Variants in FCHSD2 observed in about 807,000 individuals in gnomAD.
FCHSD2 encodes the protein F-BAR and double SH3 domains protein 2.
In FCHSD2, 38 loss-of-function variants were observed where a neutral mutation model predicts 108.1. The ratio of observed to expected loss-of-function variants is 0.35; its 90% CI spans 0.27 to 0.46. The LOEUF is 0.46. FCHSD2 is among the 20% of genes least tolerant of loss of function. The pLI is 1.00. For synonymous variants in FCHSD2, 279 were observed against 314.7 expected, an observed-to-expected ratio of 0.89 and a Z score of 1.20; for missense variants, 751 against 897.8, an observed-to-expected ratio of 0.84 and a Z score of 2.09.
intron 3 of FCHSD2, among the ~76,000 whole-genome samples, chr11:73,016,361 A>C (rs1591484560): frequency 6.6e-6 from 1 of 152,098 alleles, no homozygotes; most frequent in African/African-American, 2.4e-5. Context: ...AACAAACAAA[A>C]AACAATGATA....
chr11:72,845,792 T>C (rs1861116124), intron 14 of FCHSD2, among the ~76,000 whole-genome samples: 1 of 152,238 alleles, frequency 6.6e-6, no homozygotes, highest in Non-Finnish European at 1.5e-5. Flanking sequence ...CTTAGATTAC[T>C]GTGGGTTTAA....
chr11:73,070,645 C>T (rs901929257), intron 3 of FCHSD2, among the ~76,000 whole-genome samples: 74 of 151,942 alleles, frequency 4.9e-4, no homozygotes, highest in African/African-American at 1.7e-3. Context: ...AGGCTGGTCT[C>T]GAACTCCTGG....
At chr11:72,921,721 G>A (rs1855978695) in intron 9 of FCHSD2, 107 bp downstream of exon 9, 13 of 843,456 alleles carry the variant, frequency 1.5e-5, no homozygotes, top group East Asian at 2.7e-5. Context: ...AAATTTGTTC[G>A]TTAATGCATT....
chr11:73,111,369 CTTCT>C lies in FCHSD2; in HGVS notation c.120-27633_120-27630del, dbSNP rs367872795. Among the ~76,000 whole-genome samples the C allele has an allele frequency of 2.0e-4, 30 of 152,094 alleles. No individual in the cohort carries two copies. In the South Asian group the frequency reaches 6.0e-3, roughly 31 times the overall value. Reference sequence around the variant, plus strand: ...GACCTCTTTATCATTATACAATGACCTTCTTTGTCTCTTCTAAAAGTTTTTGTCT... The same window carrying C: ...GACCTCTTTATCATTATACAATGACCTTGTCTCTTCTAAAAGTTTTTGTCT... On this transcript the variant is annotated intron_variant, in intron 2 of 19. Transcript: ENST00000409418.
intron 2 of FCHSD2, among the ~76,000 whole-genome samples, chr11:73,134,431 C>T (rs1292268295): frequency 6.6e-6 from 1 of 152,046 alleles, no homozygotes; most frequent in Admixed American, 6.6e-5. Flanking sequence ...GATCACACCA[C>T]TGTGCTCCAG....
chr11:72,911,995 G>A (rs1302380503), intron 9 of FCHSD2, among the ~76,000 whole-genome samples: 1 of 152,120 alleles, frequency 6.6e-6, no homozygotes, highest in East Asian at 1.9e-4. Flanking sequence ...TTTGTATGTT[G>A]ATTTTGTATC....
At chr11:72,940,422 T>A in intron 8 of FCHSD2, 1 of 590,522 alleles carries the variant, frequency 1.7e-6, no homozygotes, top group South Asian at 2.0e-5. Flanking sequence ...GTAATGAGGT[T>A]AGTATAATAT....
intron 2 of FCHSD2, among the ~76,000 whole-genome samples, chr11:73,125,660 G>C (rs995716318): frequency 6.6e-6 from 1 of 151,672 alleles, no homozygotes; most frequent in African/African-American, 2.4e-5. Context: ...AGCCATGACC[G>C]CACCACTATA....
chr11:72,940,799 T>C (rs1442930287), intron 8 of FCHSD2: 2 of 854,360 alleles, frequency 2.3e-6, no homozygotes, highest in Admixed American at 3.4e-5. Context: ...CTTCAGTGCG[T>C]TGCAGAGGAG....
chr11:72,932,985 G>A (rs557719330), intron 8 of FCHSD2, among the ~76,000 whole-genome samples: 1 of 152,288 alleles, frequency 6.6e-6, no homozygotes, highest in African/African-American at 2.4e-5. Flanking sequence ...AGGAGTAATT[G>A]ATTTCATAAA....
At chr11:73,110,340 A>G (rs906226693) in intron 2 of FCHSD2, among the ~76,000 whole-genome samples, 4 of 152,086 alleles carry the variant, frequency 2.6e-5, no homozygotes, top group South Asian at 2.1e-4. Flanking sequence ...TTGCTAGGCG[A>G]TATTTTATTA....
intron 2 of FCHSD2, among the ~76,000 whole-genome samples, chr11:73,098,773 A>T (rs1298112071): frequency 6.6e-6 from 1 of 152,240 alleles, no homozygotes; most frequent in African/African-American, 2.4e-5. Flanking sequence ...AAAATGGCTC[A>T]AAGACCTAAA....
chr11:72,951,641 A>G (rs1856622225), intron 8 of FCHSD2, among the ~76,000 whole-genome samples: 2 of 152,114 alleles, frequency 1.3e-5, no homozygotes, highest in South Asian at 4.1e-4. Flanking sequence ...ATATTCTCCC[A>G]TGTTTTTCTC....
intron 2 of FCHSD2, among the ~76,000 whole-genome samples, chr11:73,124,657 G>A (rs1044988295): frequency 6.6e-6 from 1 of 152,104 alleles, no homozygotes; most frequent in Non-Finnish European, 1.5e-5. Flanking sequence ...TCAGGAGGCT[G>A]AGGCAGGAGA....
chr11:72,913,489 G>A (rs963516398), intron 9 of FCHSD2, among the ~76,000 whole-genome samples: 18 of 152,172 alleles, frequency 1.2e-4, no homozygotes, highest in Admixed American at 9.8e-4. Flanking sequence ...GGCTGATCGC[G>A]AACTCCTGGC....
At chr11:72,910,675 T>C (rs1445462746) in intron 9 of FCHSD2, among the ~76,000 whole-genome samples, 2 of 152,072 alleles carry the variant, frequency 1.3e-5, no homozygotes, top group African/African-American at 2.4e-5. Flanking sequence ...TACCCAGGGA[T>C]ACAAACACTG....
chr11:72,993,751 C>A (rs1347762830), intron 5 of FCHSD2, among the ~76,000 whole-genome samples: 3 of 137,198 alleles, frequency 2.2e-5, no homozygotes, highest in East Asian at 2.1e-4. Context: ...CACACTGGGG[C>A]CTGTTGTGGG....
At chr11:72,859,680 G>C (rs931598570) in intron 13 of FCHSD2, among the ~76,000 whole-genome samples, 3 of 152,116 alleles carry the variant, frequency 2.0e-5, no homozygotes, top group Admixed American at 2.0e-4. Context: ...GAGATGCGCA[G>C]AACTTAGGAA....
At chr11:72,926,237 G>C (rs767666005) in intron 8 of FCHSD2, among the ~76,000 whole-genome samples, 1 of 152,134 alleles carries the variant, frequency 6.6e-6, no homozygotes, top group Non-Finnish European at 1.5e-5. Context: ...GTGGGGACTG[G>C]TGGTGCCTCT....
Sources: allele counts gnomAD v4.1 joint callset (sites outside exome capture counted in the v4.1 genomes callset), GRCh38; gene constraint gnomAD v4.1.1; transcripts MANE v1.5; gene names NCBI Gene and HGNC (gene_info 2026-07-23, HGNC 2026-07-21).